The following CAMK1D variants were observed in gnomAD, a reference collection of about 807,000 sequenced individuals.
CAMK1D encodes the protein calcium/calmodulin dependent protein kinase ID.
In CAMK1D, 9 loss-of-function variants were observed where a neutral mutation model predicts 47.7. The ratio of observed to expected loss-of-function variants is 0.19; its 90% CI spans 0.11 to 0.33. The LOEUF is 0.33. Among genes scored for constraint, CAMK1D ranks in the 10% least tolerant of loss-of-function variants. The pLI is 1.00. For missense variants in CAMK1D, 291 were observed against 488.7 expected, an observed-to-expected ratio of 0.60 and a Z score of 3.81; for synonymous variants, 184 against 184.9, an observed-to-expected ratio of 0.99 and a Z score of 0.04.
chr10:12,361,097 T>C (rs1246427751), intron 1 of CAMK1D, among the ~76,000 whole-genome samples: 1 of 152,196 alleles, frequency 6.6e-6, no homozygotes, highest in Admixed American at 6.5e-5. Flanking sequence ...CGTACAAGAA[T>C]TATGCTCTTT....
rs537332171 is a variant in CAMK1D, at chr10:12,467,142, G to T, written c.93-86083G>T. ...ATAAATATTGTGACTCGGCAAAGGG[G>T]TGTCCACTCTCATGTTTTCTTTTTT... On this transcript the variant is annotated intron_variant, in intron 1 of 10. Coordinates refer to ENST00000619168, the MANE Select transcript of CAMK1D (RefSeq NM_153498.4). 9.1e-4 allele frequency among the ~76,000 whole-genome samples: 139 copies of T among 152,112 alleles called. 3 individuals are homozygous for T. In the South Asian group the frequency reaches 0.028, roughly 30 times the overall value.
intron 1 of CAMK1D, among the ~76,000 whole-genome samples, chr10:12,380,744 T>C (rs1838317564): frequency 6.6e-6 from 1 of 152,122 alleles, no homozygotes; most frequent in Admixed American, 6.5e-5. Context: ...TAGTCCCAGC[T>C]ACTCATCAGG....
intron 1 of CAMK1D, among the ~76,000 whole-genome samples, chr10:12,365,547 T>C (rs1035627305): frequency 6.6e-6 from 1 of 152,092 alleles, no homozygotes; most frequent in African/African-American, 2.4e-5. Context: ...CACGCCATTC[T>C]CCTGCCTCAG....
At chr10:12,389,641 C>T (rs1838651986) in intron 1 of CAMK1D, among the ~76,000 whole-genome samples, 1 of 152,124 alleles carries the variant, frequency 6.6e-6, no homozygotes, top group African/African-American at 2.4e-5. Context: ...TAGTAACGTG[C>T]CCTTTCCTGG....
At chr10:12,496,640 C>A (rs1215649588) in intron 1 of CAMK1D, among the ~76,000 whole-genome samples, 1 of 152,210 alleles carries the variant, frequency 6.6e-6, no homozygotes, top group Non-Finnish European at 1.5e-5. Context: ...TGGTGAAGAA[C>A]AGCTTGGAGT....
intron 1 of CAMK1D, among the ~76,000 whole-genome samples, chr10:12,548,651 G>C (rs1207928033): frequency 4.6e-5 from 7 of 151,798 alleles, no homozygotes; most frequent in African/African-American, 1.7e-4. Flanking sequence ...TTTTTCTAGA[G>C]ACAGCATTTT....
chr10:12,827,306 T>TTC, intron 10 of CAMK1D, among the ~76,000 whole-genome samples: 1 of 32,636 alleles, frequency 3.1e-5, no homozygotes, highest in East Asian at 1.0e-3. Context: ...TTTCTCTCTC[T>TTC]TTTTCTTTTC....
chr10:12,822,701 C>T (rs573457749), intron 8 of CAMK1D, among the ~76,000 whole-genome samples: 2 of 152,336 alleles, frequency 1.3e-5, no homozygotes, highest in African/African-American at 4.8e-5. Flanking sequence ...GACTGGCATC[C>T]TTTTCTGAGG....
At chr10:12,575,338 G>A (rs866774804) in intron 2 of CAMK1D, among the ~76,000 whole-genome samples, 6 of 152,144 alleles carry the variant, frequency 3.9e-5, no homozygotes, top group African/African-American at 9.6e-5. Context: ...TGATCCACCC[G>A]CCTTGGCCTC....
intron 2 of CAMK1D, among the ~76,000 whole-genome samples, chr10:12,628,751 C>G (rs1839295280): frequency 6.6e-6 from 1 of 152,186 alleles, no homozygotes; most frequent in Non-Finnish European, 1.5e-5. Flanking sequence ...CGTTTCACTG[C>G]TATACAAATC....
chr10:12,432,988 C>T (rs1383243834), intron 1 of CAMK1D, among the ~76,000 whole-genome samples: 3 of 152,156 alleles, frequency 2.0e-5, no homozygotes, highest in Non-Finnish European at 1.5e-5. Context: ...TTTCACTGTC[C>T]CTGAGCCAGC....
intron 2 of CAMK1D, among the ~76,000 whole-genome samples, chr10:12,650,697 C>T (rs1839935772): frequency 1.3e-5 from 2 of 152,204 alleles, no homozygotes; most frequent in African/African-American, 4.8e-5. Flanking sequence ...ATCTGCAGCG[C>T]AGCTGGAGCA....
chr10:12,645,118 C>T (rs1233021418), intron 2 of CAMK1D, among the ~76,000 whole-genome samples: 2 of 152,122 alleles, frequency 1.3e-5, no homozygotes, highest in Non-Finnish European at 2.9e-5. Flanking sequence ...GTTCTTTTCA[C>T]ATTTTTAAGT....
At chr10:12,751,825 G>A (rs1836000482) in intron 3 of CAMK1D, among the ~76,000 whole-genome samples, 1 of 152,192 alleles carries the variant, frequency 6.6e-6, no homozygotes, top group Non-Finnish European at 1.5e-5. Context: ...CTGGGGCCAT[G>A]CACCTTTGTC....
At chr10:12,515,495 GC>G (rs1228217306) in intron 1 of CAMK1D, among the ~76,000 whole-genome samples, 1 of 127,056 alleles carries the variant, frequency 7.9e-6, no homozygotes, top group African/African-American at 3.0e-5. Context: ...GTATACATGT[GC>G]CATGCTGGTG....
intron 1 of CAMK1D, among the ~76,000 whole-genome samples, chr10:12,424,135 C>T (rs1840148688): frequency 6.6e-6 from 1 of 152,136 alleles, no homozygotes; most frequent in African/African-American, 2.4e-5. Context: ...AATTCCCAAG[C>T]CCCCTTTCCC....
At chr10:12,774,777 T>G (rs916756358) in intron 5 of CAMK1D, among the ~76,000 whole-genome samples, 3 of 152,230 alleles carry the variant, frequency 2.0e-5, no homozygotes, top group African/African-American at 7.2e-5. Flanking sequence ...TGAACCCCGT[T>G]GTGATCTGTG....
intron 1 of CAMK1D, among the ~76,000 whole-genome samples, chr10:12,391,858 A>G (rs1390184232): frequency 6.6e-6 from 1 of 152,202 alleles, no homozygotes; most frequent in Non-Finnish European, 1.5e-5. Flanking sequence ...AATTTATGGG[A>G]TAGTTACTGT....
At chr10:12,443,988 C>T (rs1208595002) in intron 1 of CAMK1D, among the ~76,000 whole-genome samples, 1 of 152,160 alleles carries the variant, frequency 6.6e-6, no homozygotes, top group East Asian at 1.9e-4. Context: ...ACAGATTATT[C>T]ATGCCCCCCC....
Sources: gnomAD v4.1 joint callset for allele counts (sites outside exome capture counted in the v4.1 genomes callset) on GRCh38, gnomAD v4.1.1 for gene constraint, MANE v1.5 for transcripts, NCBI Gene and HGNC (gene_info 2026-07-23, HGNC 2026-07-21) for gene names.